Variants in MSI2 observed in about 807,000 individuals in gnomAD.
MSI2 encodes musashi RNA binding protein 2.
MSI2 carries 17 observed loss-of-function variants against 45.6 expected under a neutral mutation model. That is an observed-to-expected ratio of 0.37 (90% CI 0.26 to 0.56). MSI2 has a LOEUF of 0.56. Ranked by LOEUF, MSI2 falls within the 20% of genes least tolerant of loss-of-function variation. The probability of loss-of-function intolerance (pLI) is 0.77; values close to 1 mark genes in which losing one functional copy is unlikely to be tolerated. For synonymous variants in MSI2, 156 were observed against 158.2 expected, an observed-to-expected ratio of 0.99 and a Z score of 0.11; for missense variants, 293 against 444.2, an observed-to-expected ratio of 0.66 and a Z score of 3.06.
At chr17:57,536,537 G>A (rs763977005) in intron 7 of MSI2, among the ~76,000 whole-genome samples, 2 of 152,164 alleles carry the variant, frequency 1.3e-5, no homozygotes, top group Non-Finnish European at 2.9e-5. Flanking sequence ...GCATTTTACC[G>A]GTAGTATTTT....
chr17:57,522,022 G>A (rs965663512), intron 6 of MSI2, among the ~76,000 whole-genome samples: 2 of 152,182 alleles, frequency 1.3e-5, no homozygotes, highest in Admixed American at 6.5e-5. Flanking sequence ...GGAAGGAACC[G>A]ATTTGGGTTT....
intron 5 of MSI2, among the ~76,000 whole-genome samples, chr17:57,368,893 G>A (rs753176982): frequency 1.6e-4 from 25 of 152,266 alleles, no homozygotes; most frequent in African/African-American, 4.8e-4. Flanking sequence ...GACAAGGAAG[G>A]AAAAAGCATT....
chr17:57,476,492 C>T lies in MSI2; in HGVS notation c.406-53184C>T, dbSNP rs144494296. ...TGTATTAGTTGGGTAGTGCTAGCTG[C>T]TGGTATAACTGAACTCCAAAATTTC... On this transcript the variant is annotated intron_variant, in intron 6 of 13. Coordinates refer to ENST00000284073, the MANE Select transcript of MSI2 (RefSeq NM_138962.4). Among the ~76,000 whole-genome samples the T allele has an allele frequency of 1.1e-4, 16 of 152,336 alleles. No individual in the cohort carries two copies. In the South Asian group the frequency reaches 3.3e-3, roughly 32 times the overall value.
chr17:57,465,650 C>T (rs1465930008), intron 6 of MSI2, among the ~76,000 whole-genome samples: 2 of 152,118 alleles, frequency 1.3e-5, no homozygotes, highest in Non-Finnish European at 2.9e-5. Context: ...AGGGTGGGTG[C>T]TGGCCTTCCC....
intron 7 of MSI2, among the ~76,000 whole-genome samples, chr17:57,563,746 GCACACACACACACACACACACACA>G (rs61342598): frequency 2.4e-4 from 34 of 139,398 alleles, no homozygotes; most frequent in Non-Finnish European, 4.2e-4. Flanking sequence ...ACACAGGCGC[GCACACACACACACACACACACACA>G]CACACACACA....
intron 5 of MSI2, among the ~76,000 whole-genome samples, chr17:57,310,815 G>A (rs185267053): frequency 2.2e-4 from 34 of 152,202 alleles, no homozygotes; most frequent in African/African-American, 8.2e-4. Flanking sequence ...AGAGAGGCCC[G>A]AGAGCCTTCA....
intron 5 of MSI2, among the ~76,000 whole-genome samples, chr17:57,283,600 C>T (rs1183607242): frequency 6.6e-6 from 1 of 152,086 alleles, no homozygotes; most frequent in Non-Finnish European, 1.5e-5. Context: ...CCAAATCCCC[C>T]AACTAGAAAC....
intron 7 of MSI2, among the ~76,000 whole-genome samples, chr17:57,589,697 C>T (rs759143106): frequency 1.9e-4 from 29 of 152,222 alleles, no homozygotes; most frequent in Non-Finnish European, 3.7e-4. Flanking sequence ...TCCCTGAACA[C>T]TTACTGATCC....
intron 6 of MSI2, among the ~76,000 whole-genome samples, chr17:57,502,964 C>T (rs562517611): frequency 2.0e-5 from 3 of 152,182 alleles, no homozygotes; most frequent in African/African-American, 7.2e-5. Flanking sequence ...CTGTATGAGA[C>T]ACTTAATTTT....
intron 4 of MSI2, chr17:57,259,882 C>G (rs903156337): frequency 6.6e-6 from 1 of 152,198 alleles, no homozygotes; most frequent in Non-Finnish European, 1.5e-5. Context: ...GTATCAGGTG[C>G]AAAGCCTGCA....
chr17:57,335,246 C>T (rs1242277979), intron 5 of MSI2, among the ~76,000 whole-genome samples: 1 of 150,346 alleles, frequency 6.7e-6, no homozygotes, highest in East Asian at 2.0e-4. Context: ...AATATAGTAA[C>T]TGGTGGATGT....
chr17:57,507,223 CTCTGTGTGTGTGTGTGTGTGTG>C lies in MSI2; in HGVS notation c.406-22451_406-22430del, dbSNP rs1452067385. Among the ~76,000 whole-genome samples the C allele has an allele frequency of 6.6e-4, 73 of 109,888 alleles. 4 individuals carry two copies. Among genetic ancestry groups the C allele is most frequent in the South Asian group, 4.4e-3 (13 of 2,984 alleles). The allele number at this position is 109,888 out of a possible 152,430, so 72.1% of individuals were successfully genotyped here. On this transcript the variant is annotated intron_variant, in intron 6 of 13. Coordinates refer to ENST00000284073, the MANE Select transcript of MSI2 (RefSeq NM_138962.4). The stretch of plus-strand genomic sequence containing the variant: ...TTCCCATTGGTTTTTGTCTTTGTCT[CTCTGTGTGTGTGTGTGTGTGTG>C]TGTGTGTGTGTGTGTGTGTGTGTGT...
chr17:57,583,198 T>G (rs916534870), intron 7 of MSI2, among the ~76,000 whole-genome samples: 7 of 152,230 alleles, frequency 4.6e-5, no homozygotes, highest in Non-Finnish European at 8.8e-5. Context: ...TTGTAAGGGT[T>G]GGTTTTCTTA....
chr17:57,669,604 A>G (rs1044279628), intron 11 of MSI2, among the ~76,000 whole-genome samples: 3 of 152,194 alleles, frequency 2.0e-5, no homozygotes, highest in African/African-American at 7.2e-5. Context: ...AACTTTATTT[A>G]GTTTCTTTAA....
chr17:57,306,011 G>T (rs762928826), intron 5 of MSI2, among the ~76,000 whole-genome samples: 1 of 152,104 alleles, frequency 6.6e-6, no homozygotes, highest in African/African-American at 2.4e-5. Context: ...TGTCTGTTAT[G>T]TGCCCCTAGG....
At chr17:57,375,132 A>G (rs565784440) in intron 5 of MSI2, among the ~76,000 whole-genome samples, 1 of 152,340 alleles carries the variant, frequency 6.6e-6, no homozygotes, top group East Asian at 1.9e-4. Flanking sequence ...CTTATCCACA[A>G]ACATCCAGCA....
intron 5 of MSI2, among the ~76,000 whole-genome samples, chr17:57,399,778 G>A (rs772794185): frequency 1.3e-5 from 2 of 152,180 alleles, no homozygotes; most frequent in Non-Finnish European, 2.9e-5. Context: ...CCAGCATCTC[G>A]TGCTGCAGAA....
intron 5 of MSI2, among the ~76,000 whole-genome samples, chr17:57,381,258 G>A (rs1255582455): frequency 3.9e-5 from 6 of 152,002 alleles, no homozygotes; most frequent in Non-Finnish European, 8.8e-5. Flanking sequence ...TAGAGACAGG[G>A]TTTCACCATG....
chr17:57,666,689 A>C (rs182525764), intron 11 of MSI2, among the ~76,000 whole-genome samples: 20 of 152,326 alleles, frequency 1.3e-4, no homozygotes, highest in Middle Eastern at 3.4e-3. Flanking sequence ...GCCTGCAGTG[A>C]GTGCAATCAC....
Sources: gnomAD v4.1 joint callset for allele counts (sites outside exome capture counted in the v4.1 genomes callset) on GRCh38, gnomAD v4.1.1 for gene constraint, MANE v1.5 for transcripts, NCBI Gene and HGNC (gene_info 2026-07-23, HGNC 2026-07-21) for gene names.